The following ST3GAL6 variants were observed in gnomAD, a reference collection of about 807,000 sequenced individuals.
ST3GAL6 encodes the protein type 2 lactosamine alpha-2,3-sialyltransferase.
In ST3GAL6, 31 loss-of-function variants were observed where a neutral mutation model predicts 40.5. The observed-to-expected ratio is 0.77, with a 90% CI of 0.58 to 1.03. ST3GAL6 has a LOEUF of 1.03. Ranked by LOEUF, ST3GAL6 falls within the 50% of genes least tolerant of loss-of-function variation. The pLI is 0.00. For missense variants in ST3GAL6, 357 were observed against 393.2 expected (o/e 0.91, Z 0.78); for synonymous variants, 129 against 136.9 (o/e 0.94, Z 0.40).
upstream of ST3GAL6, among the ~76,000 whole-genome samples, chr3:98,761,625 AAGT>A (rs1363763826): frequency 7.4e-4 from 112 of 152,056 alleles, no homozygotes; most frequent in Middle Eastern, 6.8e-3. Context: ...AAAAAAAAAA[AAGT>A]AGCCACAGTC....
At chr3:98,741,322 G>C (rs1164053236) in intron 1 of ST3GAL6, among the ~76,000 whole-genome samples, 1 of 151,760 alleles carries the variant, frequency 6.6e-6, no homozygotes, top group Non-Finnish European at 1.5e-5. Flanking sequence ...TCATCATCCA[G>C]ATGCAGGGTA....
intron 1 of ST3GAL6, among the ~76,000 whole-genome samples, chr3:98,750,229 G>A (rs1458055211): frequency 6.6e-6 from 1 of 152,150 alleles, no homozygotes; most frequent in Non-Finnish European, 1.5e-5. Flanking sequence ...CTCAGAATAA[G>A]GTCACCATTC....
In ST3GAL6 at chr3:98,793,822, A is replaced by G. The variant is rs555985089; in HGVS notation, c.*61A>G. On this transcript the variant is annotated 3_prime_UTR_variant, in exon 10 of 10. Transcript: ENST00000483910. ...GTTTTATTTTTGTACTGCAATTTTTAGTTTAAAATATGTTGGATGCACTCG... is the reference window on the plus strand; with the variant it reads ...GTTTTATTTTTGTACTGCAATTTTTGGTTTAAAATATGTTGGATGCACTCG... 11 of 1,087,486 alleles carry G rather than the reference A, an allele frequency of 1.0e-5. No individual in the cohort carries two copies. Among genetic ancestry groups the G allele is most frequent in the Non-Finnish European group, 1.5e-5 (11 of 745,018 alleles). 67.4% of individuals were successfully genotyped at this position (1,087,486 alleles called of 1,614,324 possible). A position where few individuals can be genotyped will look rare whatever the true frequency, so the allele number is the denominator to read the frequency against.
At chr3:98,793,523 T>TA (rs1279081327) in intron 9 of ST3GAL6, 152 bp from the exon 10 acceptor site, 1 of 480,636 alleles carries the variant, frequency 2.1e-6, no homozygotes, top group Non-Finnish European at 3.7e-6. Flanking sequence ...GAAAGTAATT[T>TA]AAAAGGCTAT....
chr3:98,787,099 C>G (rs1940802504), intron 6 of ST3GAL6, among the ~76,000 whole-genome samples: 1 of 152,010 alleles, frequency 6.6e-6, no homozygotes, highest in Non-Finnish European at 1.5e-5. Flanking sequence ...CCTAGGGTTT[C>G]TGCATGGTGA....
chr3:98,743,210 G>A (rs1936266856), intron 1 of ST3GAL6, among the ~76,000 whole-genome samples: 2 of 151,258 alleles, frequency 1.3e-5, no homozygotes, highest in South Asian at 4.2e-4. Flanking sequence ...CCTGGAGATG[G>A]GGTTTCACCA....
At chr3:98,775,069 G>C (rs1217137582) in intron 5 of ST3GAL6, among the ~76,000 whole-genome samples, 1 of 152,110 alleles carries the variant, frequency 6.6e-6, no homozygotes, top group Non-Finnish European at 1.5e-5. Context: ...CTCTAATTCT[G>C]TAAGTTTCTG....
At chr3:98,779,716 A>G (rs1380343081) in intron 5 of ST3GAL6, among the ~76,000 whole-genome samples, 5 of 152,194 alleles carry the variant, frequency 3.3e-5, no homozygotes, top group African/African-American at 1.2e-4. Flanking sequence ...CCAGATTTCC[A>G]TTAACAGGTT....
chr3:98,768,233 T>C (rs1048504610), intron 1 of ST3GAL6, among the ~76,000 whole-genome samples, 197 bp from the exon 2 acceptor site: 6 of 152,064 alleles, frequency 3.9e-5, no homozygotes, highest in Non-Finnish European at 5.9e-5. Context: ...GTTGTGCTTA[T>C]TGATAAAAGG....
rs571104869 is a variant in ST3GAL6, at chr3:98,784,894, T to A, written c.336-51T>A. 59 of 1,454,598 alleles carry A rather than the reference T, an allele frequency of 4.1e-5. 1 individual carries two copies. In the Admixed American group the frequency reaches 1.0e-3, roughly 25 times the overall value. The allele number at this position is 1,454,598 out of a possible 1,614,324, so 90.1% of individuals were successfully genotyped here. A position where few individuals can be genotyped will look rare whatever the true frequency, so the allele number is the denominator to read the frequency against. On this transcript the variant is annotated intron_variant, in intron 5 of 9. Transcript: ENST00000483910. ...TGACAGTATGCATGGATTCTTGGAA[T>A]CAGTTTTGTAAAAGATGGCTCAATC...
intron 1 of ST3GAL6, chr3:98,756,466 G>A: frequency 2.3e-6 from 3 of 1,289,244 alleles, no homozygotes; most frequent in Non-Finnish European, 3.0e-6. Flanking sequence ...GTCTTTGGCA[G>A]CCTGGTCCCT....
intron 4 of ST3GAL6, 48 bp downstream of exon 4, chr3:98,772,964 T>G (rs758822397): frequency 6.0e-6 from 7 of 1,158,390 alleles, no homozygotes; most frequent in Non-Finnish European, 9.1e-6. Context: ...GAGTGGTGTT[T>G]GATGAGAATG....
At chr3:98,755,896 T>C (rs1003367855) in intron 1 of ST3GAL6, among the ~76,000 whole-genome samples, 2 of 152,158 alleles carry the variant, frequency 1.3e-5, no homozygotes, top group Non-Finnish European at 2.9e-5. Flanking sequence ...TCCCTCACTT[T>C]CTTCTAGATA....
chr3:98,746,448 G>A lies in ST3GAL6; in HGVS notation c.-12+13916G>A, dbSNP rs73858614. 5.1e-3 allele frequency among the ~76,000 whole-genome samples: 780 copies of A among 151,900 alleles called. 8 individuals carry two copies. The highest frequency in any genetic ancestry group is 0.018 in the African/African-American group (737 of 41,408). ...CTTCTTGGGGATTGCGTACACTTCT[G>A]TAGAAGATACTTTTCTTCTCCCCTC... On this transcript the variant is annotated intron_variant, in intron 1 of 9. Coordinates refer to the ST3GAL6 transcript ENST00000265261.
At chr3:98,742,569 T>C (rs1448988635) in intron 1 of ST3GAL6, among the ~76,000 whole-genome samples, 1 of 152,212 alleles carries the variant, frequency 6.6e-6, no homozygotes, top group Middle Eastern at 3.2e-3. Context: ...ATACCCTTAT[T>C]GAGGGGTCCA....
rs754954553 is a variant in ST3GAL6 at position 98,785,079 on chromosome 3, A to G, written c.431+39A>G. On this transcript the variant is annotated intron_variant, in intron 6 of 9. Transcript: ENST00000483910. ...CTATTTGCTACCCTAGAATTGTTTCAAAAGAATATGGTTTCTTGCCTTAAT... is the reference window on the plus strand; with the variant it reads ...CTATTTGCTACCCTAGAATTGTTTCGAAAGAATATGGTTTCTTGCCTTAAT... 20 of 1,426,364 alleles carry G rather than the reference A, an allele frequency of 1.4e-5. No individual in the cohort carries two copies. In the East Asian group the frequency reaches 4.3e-4, roughly 31 times the overall value. The allele number at this position is 1,426,364 out of a possible 1,614,324, so 88.4% of individuals were successfully genotyped here.
intron 1 of ST3GAL6, among the ~76,000 whole-genome samples, chr3:98,746,913 G>A (rs751220900): frequency 4.6e-5 from 7 of 152,130 alleles, no homozygotes; most frequent in Non-Finnish European, 7.3e-5. Flanking sequence ...AACATTTGCC[G>A]TTCATGTAAG....
At chr3:98,785,809 C>A (rs1450066857) in intron 6 of ST3GAL6, among the ~76,000 whole-genome samples, 1 of 152,090 alleles carries the variant, frequency 6.6e-6, no homozygotes, top group East Asian at 1.9e-4. Context: ...AATGAAGAGG[C>A]CAATTAGGTT....
intron 1 of ST3GAL6, among the ~76,000 whole-genome samples, chr3:98,745,025 TA>T (rs1203067776): frequency 2.0e-5 from 3 of 151,786 alleles, no homozygotes; most frequent in African/African-American, 7.2e-5. Flanking sequence ...TTTTTTTTTT[TA>T]AATTTTATTT....
Sources: allele counts gnomAD v4.1 joint callset (sites outside exome capture counted in the v4.1 genomes callset), GRCh38; gene constraint gnomAD v4.1.1; transcripts MANE v1.5; gene names NCBI Gene and HGNC (gene_info 2026-07-23, HGNC 2026-07-21).